MUC17: variants seen among roughly 807,000 people sequenced by gnomAD.
MUC17 encodes the protein mucin-17.
In MUC17, 190 loss-of-function variants were observed where a neutral mutation model predicts 170.3. That is an observed-to-expected ratio of 1.12 (90% CI 0.99 to 1.26). The LOEUF is 1.26. Among genes scored for constraint, MUC17 ranks in the 50% most tolerant of loss-of-function variants. MUC17 has a pLI of 0.00. For missense variants in MUC17, 6,415 were observed against 5,530.0 expected (o/e 1.16, Z -5.08); for synonymous variants, 2,325 against 2,002.5 (o/e 1.16, Z -4.30).
chr7:101,025,130 T>G (rs1014181461), intron 1 of MUC17, among the ~76,000 whole-genome samples: 5 of 149,434 alleles, frequency 3.3e-5, no homozygotes, highest in Non-Finnish European at 7.4e-5. Flanking sequence ...TTTGGGAGGC[T>G]GAGGTGGGAG....
Position 101,058,458 on chromosome 7 carries a change from A to G in MUC17, c.*414A>G, listed in dbSNP as rs1795091329. 1 of 155,610 alleles carries G rather than the reference A, an allele frequency of 6.4e-6. No individual in the cohort carries two copies. Among genetic ancestry groups the G allele is most frequent in the Non-Finnish European group, 1.4e-5 (1 of 70,274 alleles). 9.6% of individuals were successfully genotyped at this position (155,610 alleles called of 1,614,324 possible). A position where few individuals can be genotyped will look rare whatever the true frequency, so the allele number is the denominator to read the frequency against. On this transcript the variant is annotated 3_prime_UTR_variant, in exon 13 of 13. Transcript: ENST00000306151. ...CTCAGTTGAAGAGGACGAGAGGACG[A>G]CCTTCTCTGATAGAGGAGGACCACG...
intron 1 of MUC17, among the ~76,000 whole-genome samples, chr7:101,022,060 T>C (rs975291146): frequency 1.4e-4 from 21 of 152,286 alleles, no homozygotes; most frequent in Middle Eastern, 3.4e-3. Context: ...CTCAGTCACC[T>C]GTCCATGGCA....
chr7:101,034,212 C>T lies in MUC17; in HGVS notation c.2796C>T (p.Ser932=). 2 of 1,600,746 alleles carry T rather than the reference C, an allele frequency of 1.2e-6. No homozygotes were observed. Among genetic ancestry groups the T allele is most frequent in the Non-Finnish European group, 1.7e-6 (2 of 1,173,358 alleles). Residue 932 remains serine, a synonymous_variant, in exon 3 of 13, where the codon AGC becomes AGT. Transcript: ENST00000306151. The part of the protein sequence containing the change: ...GSTPLTSMPD[S]TTPVVSSEAR... ...CTCCATTAACAAGTATGCCTGACAG[C>T]ACCACGCCGGTAGTCAGTTCTGAGG...
rs760108073 is a variant in MUC17, at chr7:101,036,203, C to A, written c.4787C>A (p.Thr1596Asn). 8.7e-6 allele frequency: 14 copies of A among 1,613,614 alleles called. No individual in the cohort carries two copies. Among genetic ancestry groups the A allele is most frequent in the Non-Finnish European group, 1.1e-5 (13 of 1,179,774 alleles). Residue 1596 changes from threonine to asparagine, a missense_variant, in exon 3 of 13, where the codon ACC (threonine) becomes AAC (asparagine). Transcript: ENST00000306151. ...VSSEANTLST[T>N]PIDSKTQVTA... ...TCTGAGGCTAACACCCTTTCAACAA[C>A]CCCTATTGACTCCAAAACTCAGGTG...
chr7:101,043,169 T>C lies in MUC17; in HGVS notation c.11753T>C (p.Ile3918Thr). ...PSTDTASTPT[I>T]PVATTISVSV... ...ACTGACACTGCCTCAACTCCCACAATTCCTGTAGCCACCACCATATCTGTA... is the reference window on the plus strand; with the variant it reads ...ACTGACACTGCCTCAACTCCCACAACTCCTGTAGCCACCACCATATCTGTA... The change falls in exon 3 of 13, where the codon ATT becomes ACT. Residue 3918 changes from isoleucine to threonine, a missense_variant. By Grantham distance (89) the Ile-to-Thr change is moderately conservative. Transcript: ENST00000306151. The C allele has an allele frequency of 6.2e-7, 1 of 1,614,074 alleles. No homozygotes were observed.
At chr7:101,023,399 A>AT (rs35577999) in intron 1 of MUC17, among the ~76,000 whole-genome samples, 2 of 151,932 alleles carry the variant, frequency 1.3e-5, no homozygotes, top group African/African-American at 4.8e-5. Flanking sequence ...TGGTTTTTAT[A>AT]TTTTTTTAAG....
Position 101,033,521 on chromosome 7 carries a change from G to A in MUC17, c.2105G>A (p.Ser702Asn), listed in dbSNP as rs763285731. Residue 702 changes from serine to asparagine, a missense_variant, in exon 3 of 13, where the codon AGT becomes AAT. Ser to Asn is a conservative substitution (Grantham distance 46). Transcript: ENST00000306151. ...SMPVNTTLVA[S>N]SEASTLSTTP... ...CCTGTCAACACCACACTGGTGGCCA[G>A]TTCTGAGGCTAGCACCCTTTCAACA... The A allele has an allele frequency of 1.9e-6, 3 of 1,613,760 alleles. No individual in the cohort carries two copies. Among genetic ancestry groups the A allele is most frequent in the African/African-American group, 1.3e-5 (1 of 74,838 alleles).
In MUC17 at chr7:101,035,525, C is replaced by T; in HGVS notation, c.4109C>T (p.Thr1370Ile). The T allele has an allele frequency of 6.3e-7, 1 of 1,596,540 alleles. No homozygotes were observed. The highest frequency in any genetic ancestry group is 8.6e-7 in the Non-Finnish European group (1 of 1,169,264). ...TPVDNSTPVTTSTEACSSPTT... is the reference protein window; with the variant it reads ...TPVDNSTPVTISTEACSSPTT... Reference sequence around the variant, plus strand: ...GTTGACAACAGCACACCTGTGACCACTTCTACTGAAGCCTGTTCATCTCCT... The same window carrying T: ...GTTGACAACAGCACACCTGTGACCATTTCTACTGAAGCCTGTTCATCTCCT... Residue 1370 changes from threonine (T) to isoleucine (I), a missense_variant, in exon 3 of 13, where the codon ACT (threonine) becomes ATT (isoleucine). Physicochemically the swap from Thr to Ile is moderately conservative, Grantham distance 89. Transcript: ENST00000306151.
chr7:101,040,305 T>A lies in MUC17; in HGVS notation c.8889T>A (p.Ala2963=), dbSNP rs1283054898. Residue 2963 remains alanine (A), a synonymous_variant, in exon 3 of 13, where the codon GCT becomes GCA. Coordinates refer to ENST00000306151, the MANE Select transcript of MUC17 (RefSeq NM_001040105.2). ...CCAGGACACCTGTCACCACTTCTGC[T>A]GAAGCTAGTTCTTCTCCTACAACTG... ...VDTRTPVTTS[A]EASSSPTTAE... is the part of the protein sequence containing the mutation. The A allele has an allele frequency of 3.1e-6, 5 of 1,612,108 alleles. No homozygotes were observed. Among genetic ancestry groups the A allele is most frequent in the Non-Finnish European group, 4.2e-6 (5 of 1,179,156 alleles).
In MUC17 at chr7:101,042,052, A is replaced by T. The variant is rs779047264; in HGVS notation, c.10636A>T (p.Thr3546Ser). 16 of 1,613,754 alleles carry T rather than the reference A, an allele frequency of 9.9e-6. No individual in the cohort carries two copies. The East Asian group carries it at 3.6e-4, about 36-fold the overall frequency. ...TTCAACAACTCCTGTTGACTCCAAC[A>T]CTTTTGTTACCAGTTCTAGTCAAGC... The part of the protein sequence containing the change: ...TLSTTPVDSN[T>S]FVTSSSQASS... The change falls in exon 3 of 13, where the codon ACT (threonine) becomes TCT (serine). Residue 3546 changes from threonine to serine, a missense_variant. Thr to Ser is a moderately conservative substitution (Grantham distance 58). Coordinates refer to ENST00000306151, the MANE Select transcript of MUC17 (RefSeq NM_001040105.2).
rs1037731746 is a variant in MUC17 at position 101,038,377 on chromosome 7, C to G, written c.6961C>G (p.Pro2321Ala). 1.2e-6 allele frequency: 2 copies of G among 1,608,786 alleles called. No homozygotes were observed. The highest frequency in any genetic ancestry group is 1.1e-5 in the South Asian group (1 of 90,718). Residue 2321 changes from proline to alanine, a missense_variant, in exon 3 of 13, where the codon CCC becomes GCC. Pro to Ala is a conservative substitution (Grantham distance 27, BLOSUM62 -1). Coordinates refer to ENST00000306151, the MANE Select transcript of MUC17 (RefSeq NM_001040105.2). ...TTCTACTGAAGCCAGTTCACCTCCT[C>G]CCACTGCTGAAGGTACCAGCATGCC... Reference protein sequence around the residue: ...TTSTEASSPPPTAEGTSMPTS... With the variant: ...TTSTEASSPPATAEGTSMPTS...
chr7:101,058,269 G>C lies in MUC17; in HGVS notation c.*225G>C, dbSNP rs1379329287. On this transcript the variant is annotated 3_prime_UTR_variant, in exon 13 of 13. Transcript: ENST00000306151. ...TGGGCTTGTCATGATATCAGGCTAG[G>C]CTTTCCTGCTCATTTTTCAAAGACG... 2.6e-6 allele frequency: 1 copy of C among 383,844 alleles called. No homozygotes were observed. Among genetic ancestry groups the C allele is most frequent in the Non-Finnish European group, 4.7e-6 (1 of 212,894 alleles). 23.8% of individuals were successfully genotyped at this position (383,844 alleles called of 1,614,324 possible).
chr7:101,052,699 G>A (rs904357152), intron 9 of MUC17, among the ~76,000 whole-genome samples: 3 of 152,054 alleles, frequency 2.0e-5, no homozygotes, highest in African/African-American at 7.2e-5. Flanking sequence ...GAGTCCCTGG[G>A]GGTGCAGCCC....
chr7:101,052,074 C>T (rs944544191), intron 9 of MUC17, 112 bp downstream of exon 9: 1 of 1,281,410 alleles, frequency 7.8e-7, no homozygotes, highest in Non-Finnish European at 1.1e-6. Context: ...GACTAGGTCC[C>T]AGCGTCTCCT....
intron 1 of MUC17, among the ~76,000 whole-genome samples, chr7:101,021,704 T>A (rs915970488): frequency 6.6e-6 from 1 of 152,222 alleles, no homozygotes; most frequent in Non-Finnish European, 1.5e-5. Context: ...TCCAGGATTC[T>A]GTGGCTCCTC....
chr7:101,039,968 C>T lies in MUC17; in HGVS notation c.8552C>T (p.Pro2851Leu). Residue 2851 changes from proline (P) to leucine (L), a missense_variant, in exon 3 of 13, where the codon CCT (proline) becomes CTT (leucine). Coordinates refer to ENST00000306151, the MANE Select transcript of MUC17 (RefSeq NM_001040105.2). The part of the protein sequence containing the change: ...VTTSTKASSS[P>L]TTAEGIVVPI... ...ACTTCTACTAAAGCCAGTTCATCTC[C>T]TACAACTGCTGAAGGTATCGTCGTG... 6.2e-7 allele frequency: 1 copy of T among 1,613,636 alleles called. No individual in the cohort carries two copies. The highest frequency in any genetic ancestry group is 8.5e-7 in the Non-Finnish European group (1 of 1,179,858).
Position 101,035,951 on chromosome 7 carries a change from G to A in MUC17, c.4535G>A (p.Gly1512Glu), listed in dbSNP as rs1445852833. 8 of 1,612,822 alleles carry A rather than the reference G, an allele frequency of 5.0e-6. No individual in the cohort carries two copies. Among genetic ancestry groups the A allele is most frequent in the Non-Finnish European group, 5.9e-6 (7 of 1,179,298 alleles). The change falls in exon 3 of 13, where the codon GGA becomes GAA. Residue 1512 changes from glycine to glutamate, a missense_variant. Gly to Glu is a moderately conservative substitution (Grantham distance 98). Coordinates refer to ENST00000306151, the MANE Select transcript of MUC17 (RefSeq NM_001040105.2). ...TSIAISTPSEGSTALTSIPVS... is the reference protein window; with the variant it reads ...TSIAISTPSEESTALTSIPVS... ...ATAGCAATCTCAACGCCTAGTGAAGGAAGCACTGCATTAACAAGTATACCT... is the reference window on the plus strand; with the variant it reads ...ATAGCAATCTCAACGCCTAGTGAAGAAAGCACTGCATTAACAAGTATACCT...
At chr7:101,052,041 T>A in intron 9 of MUC17, 79 bp downstream of exon 9, 4 of 1,493,222 alleles carry the variant, frequency 2.7e-6, no homozygotes, top group South Asian at 1.3e-5. Flanking sequence ...ACCCCAGGCA[T>A]TGCCTGGAGA....
In MUC17 at chr7:101,042,310, G is replaced by T; in HGVS notation, c.10894G>T (p.Glu3632Ter). 6.2e-7 allele frequency: 1 copy of T among 1,613,918 alleles called. No individual in the cohort carries two copies. Residue 3632 changes from glutamate (E) to a stop codon, truncating the protein, a stop_gained, in exon 3 of 13, where the codon GAA (glutamate) becomes TAA (stop). Coordinates refer to ENST00000306151, the MANE Select transcript of MUC17 (RefSeq NM_001040105.2). LOFTEE classifies it high-confidence loss of function. ...CACCCTGCCAATGTCAACTCCTAGT[G>T]AAGTAAGCACTCCATTAACCATTAT... ...VITLPMSTPS[E>*]VSTPLTIMPV... is the part of the protein sequence containing the mutation.
Sources: allele counts gnomAD v4.1 joint callset (sites outside exome capture counted in the v4.1 genomes callset), GRCh38; gene constraint gnomAD v4.1.1; transcripts MANE v1.5; gene names NCBI Gene and HGNC (gene_info 2026-07-23, HGNC 2026-07-21).